Variants in APBB1 observed in about 807,000 individuals in gnomAD.
The protein encoded by APBB1 is amyloid beta precursor protein binding family B member 1, also known as adaptor protein FE65a2.
A neutral mutation model predicts 78.4 loss-of-function variants in APBB1; 22 were observed. The observed-to-expected ratio is 0.28, with a 90% CI of 0.20 to 0.40. The LOEUF is 0.40. Among genes scored for constraint, APBB1 ranks in the 10% least tolerant of loss-of-function variants. APBB1 has a pLI of 1.00. For missense variants in APBB1, 749 were observed against 932.4 expected, an observed-to-expected ratio of 0.80 and a Z score of 2.56; for synonymous variants, 369 against 372.7, an observed-to-expected ratio of 0.99 and a Z score of 0.12.
chr11:6,417,516 T>C (rs1258719709), intron 1 of APBB1, among the ~76,000 whole-genome samples: 2 of 152,220 alleles, frequency 1.3e-5, no homozygotes, highest in Non-Finnish European at 2.9e-5. Context: ...CTGGCATATA[T>C]TAGGTGCTGA....
Position 6,403,018 on chromosome 11 carries a change from G to C in APBB1, c.1104+127C>G. Reference sequence around the variant, plus strand: ...CAGCTCAGACACAGGGCTCTGTGCTGAGACTGGAAGAACTCCTAACTCAGG... The same window carrying C: ...CAGCTCAGACACAGGGCTCTGTGCTCAGACTGGAAGAACTCCTAACTCAGG... On this transcript the variant is annotated intron_variant, in intron 6 of 14. Transcript: ENST00000609360. This position sits in a 1 kb window ranked among gnomAD's most constrained non-coding sequence, Gnocchi z 5.3. 1 of 961,966 alleles carries C rather than the reference G, an allele frequency of 1.0e-6. No homozygotes were observed. Among genetic ancestry groups the C allele is most frequent in the Non-Finnish European group, 1.6e-6 (1 of 638,342 alleles). The allele number at this position is 961,966 out of a possible 1,614,324, so 59.6% of individuals were successfully genotyped here.
In APBB1 at chr11:6,411,303, G is replaced by A; in HGVS notation, c.45C>T (p.Asn15=). ...SSLSQSAINA[N]SHGGPALSLP... is the part of the protein sequence containing the mutation. ...GGCTCAGTGCGGGGCCTCCGTGGCT[G>A]TTGGCATTAATGGCCGACTGGCTCA... The change falls in exon 2 of 15, where the codon AAC becomes AAT. Residue 15 remains asparagine (N), a synonymous_variant. Coordinates refer to ENST00000609360, the MANE Select transcript of APBB1 (RefSeq NM_001164.5). This position sits in a 1 kb window ranked among gnomAD's most constrained non-coding sequence, Gnocchi z 5.2. 10 of 1,561,322 alleles carry A rather than the reference G, an allele frequency of 6.4e-6. No homozygotes were observed. Among genetic ancestry groups the A allele is most frequent in the Non-Finnish European group, 6.9e-6 (8 of 1,154,764 alleles).
chr11:6,405,617 G>A (rs1848771625), intron 2 of APBB1: 3 of 985,958 alleles, frequency 3.0e-6, no homozygotes, highest in African/African-American at 1.7e-5. Context: ...CACACCTGAC[G>A]AGAGTTATTC....
intron 1 of APBB1, among the ~76,000 whole-genome samples, chr11:6,413,497 G>A: frequency 6.6e-6 from 1 of 152,176 alleles, no homozygotes; most frequent in Non-Finnish European, 1.5e-5. Flanking sequence ...AGCAGGGCTT[G>A]CCCATCTCTC....
Position 6,407,562 on chromosome 11 carries a change from A to G in APBB1, c.721+3065T>C, listed in dbSNP as rs1020021444. Among the ~76,000 whole-genome samples the G allele has an allele frequency of 2.0e-5, 3 of 152,278 alleles. No individual in the cohort carries two copies. The South Asian group carries it at 6.2e-4, about 31-fold the overall frequency. On this transcript the variant is annotated intron_variant, in intron 2 of 14. Transcript: ENST00000609360. ...AAAATAGAATTTGTTGTTAACGTTT[A>G]GAAATTGGGCTATTTTACACCAATA... is the stretch of plus-strand genomic sequence containing the variant.
chr11:6,411,415 T>A lies in APBB1; in HGVS notation c.-14-54A>T, dbSNP rs1222890823. On this transcript the variant is annotated intron_variant, in intron 1 of 14. Coordinates refer to ENST00000609360, the MANE Select transcript of APBB1 (RefSeq NM_001164.5). This position sits in a 1 kb window ranked among gnomAD's most constrained non-coding sequence, Gnocchi z 5.2. ...GAGCCTCTGGTCCAGAACAGCAGCA[T>A]CACTGCTTCTGCCCCAGGGCTATGC... 5.5e-6 allele frequency: 8 copies of A among 1,445,286 alleles called. No individual in the cohort carries two copies. In the African/African-American group the frequency reaches 1.0e-4, roughly 18 times the overall value. 89.5% of individuals were successfully genotyped at this position (1,445,286 alleles called of 1,614,324 possible). A position where few individuals can be genotyped will look rare whatever the true frequency, so the allele number is the denominator to read the frequency against.
intron 2 of APBB1, chr11:6,404,822 C>T (rs758178888): frequency 1.8e-5 from 27 of 1,535,248 alleles, no homozygotes; most frequent in Non-Finnish European, 8.7e-6. Context: ...CCCCTCCTGC[C>T]TCCACCCTCC....
intron 1 of APBB1, among the ~76,000 whole-genome samples, chr11:6,412,946 G>C (rs528468303): frequency 3.7e-4 from 56 of 151,964 alleles, no homozygotes; most frequent in African/African-American, 1.3e-3. Flanking sequence ...ACAGCCCTTC[G>C]TGGGTCAGTT....
intron 2 of APBB1, among the ~76,000 whole-genome samples, chr11:6,407,608 T>C (rs1322622495): frequency 6.6e-6 from 1 of 152,320 alleles, no homozygotes; most frequent in Non-Finnish European, 1.5e-5. Flanking sequence ...AGTTTCCCTT[T>C]AACTGGCTGC....
rs748351071 is a variant in APBB1 at position 6,395,980 on chromosome 11, A to C, written c.1789-18T>G. 1 of 1,611,618 alleles carries C rather than the reference A, an allele frequency of 6.2e-7. No individual in the cohort carries two copies. The highest frequency in any genetic ancestry group is 1.1e-5 in the South Asian group (1 of 90,880). ...GCCTCTGTCTGCATGGAGGGAACTC[A>C]GTTAAAAAGGAACACCAACCCCACA... On this transcript the variant is annotated intron_variant, in intron 13 of 14. Transcript: ENST00000609360. The surrounding 1 kb of genome is among the most constrained non-coding windows in gnomAD (Gnocchi z 5.2).
At position 6,410,832 on chromosome 11, in the gene APBB1, GTCC is replaced by G. The variant is rs768321577; in HGVS notation, c.513_515del (p.Glu171del). 2 of 1,613,770 alleles carry G rather than the reference GTCC, an allele frequency of 1.2e-6. No homozygotes were observed. The highest frequency in any genetic ancestry group is 8.5e-7 in the Non-Finnish European group (1 of 1,179,812). On this transcript the variant is annotated inframe_deletion, in exon 2 of 15. Coordinates refer to ENST00000609360, the MANE Select transcript of APBB1 (RefSeq NM_001164.5). The stretch of plus-strand genomic sequence containing the variant: ...CAGGCAGCCCTGGGGGAGAAGATAA[GTCC>G]TCCTCCTCCTCTTCATCATCATCAT...
chr11:6,396,043 C>T lies in APBB1; in HGVS notation c.1788+57G>A, dbSNP rs527502386. On this transcript the variant is annotated intron_variant, in intron 13 of 14. Coordinates refer to ENST00000609360, the MANE Select transcript of APBB1 (RefSeq NM_001164.5). Reference sequence around the variant, plus strand: ...TCCATCTTAGCAGCTCTTCCCCTCACCCCCAGTCTCCCCTCTATGGCAAGG... The same window carrying T: ...TCCATCTTAGCAGCTCTTCCCCTCATCCCCAGTCTCCCCTCTATGGCAAGG... 38 of 1,597,630 alleles carry T rather than the reference C, an allele frequency of 2.4e-5. No individual in the cohort carries two copies. In the African/African-American group the frequency reaches 3.1e-4, roughly 13 times the overall value.
intron 2 of APBB1, chr11:6,405,159 T>G: frequency 8.4e-7 from 1 of 1,192,046 alleles, no homozygotes; most frequent in Non-Finnish European, 1.0e-6. Context: ...AGCCCAGTCT[T>G]AGGGATACCA....
At chr11:6,402,441 C>G in intron 7 of APBB1, 135 bp downstream of exon 7, 2 of 1,181,344 alleles carry the variant, frequency 1.7e-6, no homozygotes, top group Non-Finnish European at 1.2e-6. Context: ...CTCATCCATC[C>G]CACAGGGCTG....
intron 1 of APBB1, among the ~76,000 whole-genome samples, chr11:6,415,085 C>T (rs1849086403): frequency 6.6e-6 from 1 of 152,192 alleles, no homozygotes; most frequent in African/African-American, 2.4e-5. Context: ...TGGTCACCAA[C>T]ACCCCACTGC....
chr11:6,411,924 C>A lies in APBB1; in HGVS notation c.-14-563G>T, dbSNP rs1403296346. Among the ~76,000 whole-genome samples, 1 of 152,210 alleles carries A rather than the reference C, an allele frequency of 6.6e-6. No homozygotes were observed. On this transcript the variant is annotated intron_variant, in intron 1 of 14. Coordinates refer to ENST00000609360, the MANE Select transcript of APBB1 (RefSeq NM_001164.5). The surrounding 1 kb of genome is among the most constrained non-coding windows in gnomAD (Gnocchi z 5.2). ...GAGCAAATAAGCTGCAGAACCAGCC[C>A]TACAGGGCATGGCACTGGAAGGCAG... is the stretch of plus-strand genomic sequence containing the variant.
Position 6,396,177 on chromosome 11 carries a change from A to G in APBB1, c.1711T>C (p.Ser571Pro). ...GTCCATTGTTCACGGCTGCTGGAGGACAGGACTGACTCGAGGGCCCCATTA... is the reference window on the plus strand; with the variant it reads ...GTCCATTGTTCACGGCTGCTGGAGGGCAGGACTGACTCGAGGGCCCCATTA... ...VINGALESVL[S>P]SSSREQWTPS... is the part of the protein sequence containing the mutation. Residue 571 changes from serine (S) to proline (P), a missense_variant, in exon 13 of 15, where the codon TCC becomes CCC. Ser to Pro is a moderately conservative substitution (Grantham distance 74). Coordinates refer to ENST00000609360, the MANE Select transcript of APBB1 (RefSeq NM_001164.5). The G allele has an allele frequency of 6.4e-7, 1 of 1,551,694 alleles. No homozygotes were observed. The highest frequency in any genetic ancestry group is 8.7e-7 in the Non-Finnish European group (1 of 1,147,106).
At chr11:6,416,745 C>CTT (rs777458150) in intron 1 of APBB1, among the ~76,000 whole-genome samples, 30 of 142,946 alleles carry the variant, frequency 2.1e-4, no homozygotes, top group Middle Eastern at 3.5e-3. Flanking sequence ...ACAAAATTCC[C>CTT]TTTTTTTTTT....
Position 6,396,171 on chromosome 11 carries a change from TGGA to T in APBB1, c.1714_1716del (p.Ser574del), listed in dbSNP as rs1194688565. The T allele has an allele frequency of 6.4e-7, 1 of 1,551,820 alleles. No individual in the cohort carries two copies. Among genetic ancestry groups the T allele is most frequent in the East Asian group, 2.4e-5 (1 of 40,952 alleles). ...CTTGGGGTCCATTGTTCACGGCTGC[TGGA>T]GGACAGGACTGACTCGAGGGCCCCA... On this transcript the variant is annotated inframe_deletion, in exon 13 of 15. Coordinates refer to ENST00000609360, the MANE Select transcript of APBB1 (RefSeq NM_001164.5).
Sources: gnomAD v4.1 joint callset for allele counts (sites outside exome capture counted in the v4.1 genomes callset) on GRCh38, gnomAD v4.1.1 for gene constraint, Gnocchi (gnomAD v3.1) non-coding constraint, MANE v1.5 for transcripts, NCBI Gene and HGNC (gene_info 2026-07-23, HGNC 2026-07-21) for gene names.